The following COL6A5 variants were observed in gnomAD, a reference collection of about 807,000 sequenced individuals.
COL6A5 encodes the protein collagen type VI alpha 5 chain, also known as collagen alpha-5(VI) chain.
COL6A5 carries 48 observed loss-of-function variants against 65.6 expected under a neutral mutation model. The observed-to-expected ratio is 0.73, with a 90% CI of 0.58 to 0.93. COL6A5 has a LOEUF of 0.93. COL6A5 is among the 40% of genes least tolerant of loss of function. The probability of loss-of-function intolerance (pLI) is 0.00; values close to 1 mark genes in which losing one functional copy is unlikely to be tolerated. For missense variants in COL6A5, 914 were observed against 928.3 expected (o/e 0.98, Z 0.20); for synonymous variants, 291 against 322.8 (o/e 0.90, Z 1.05).
In COL6A5 at chr3:130,384,930, C is replaced by T. The variant is rs1027526357; in HGVS notation, c.1427C>T (p.Pro476Leu). ...GTGACAGAAATGTTTAGCATTGGCC[C>T]AGACAAAGTCCGAGTTGGAGTTGTG... The change falls in exon 5 of 42, where the codon CCA becomes CTA. Residue 476 changes from proline to leucine, a missense_variant and NMD_transcript_variant. Pro to Leu is a moderately conservative substitution (Grantham distance 98, BLOSUM62 -3). Transcript: ENST00000312481. 12 of 1,550,764 alleles carry T rather than the reference C, an allele frequency of 7.7e-6. No homozygotes were observed. The African/African-American group carries it at 1.6e-4, about 21-fold the overall frequency.
chr3:130,412,579 T>C (rs1937211922), intron 20 of COL6A5, among the ~76,000 whole-genome samples: 1 of 152,374 alleles, frequency 6.6e-6, no homozygotes, highest in Non-Finnish European at 1.5e-5. Context: ...TGTGATGTTA[T>C]AGGAACCGAG....
chr3:130,374,592 T>G (rs1205590270), intron 2 of COL6A5, among the ~76,000 whole-genome samples: 2 of 152,150 alleles, frequency 1.3e-5, no homozygotes, highest in Non-Finnish European at 2.9e-5. Flanking sequence ...TAGCTGGGAC[T>G]ACAAGTGCAT....
rs1334636152 is a variant in COL6A5 at position 130,421,309 on chromosome 3, G to A, written c.5002-16G>A. ...TGATATGTTGATGTATTTATGTTCT[G>A]TGCTGAAAATTATAGGGCCCAAGAG... On this transcript the variant is annotated splice_polypyrimidine_tract_variant and intron_variant and NMD_transcript_variant, in intron 26 of 41. Coordinates refer to the COL6A5 transcript ENST00000312481. The A allele has an allele frequency of 1.3e-6, 2 of 1,550,666 alleles. No homozygotes were observed. Among genetic ancestry groups the A allele is most frequent in the South Asian group, 1.2e-5 (1 of 84,042 alleles).
intron 1 of COL6A5, among the ~76,000 whole-genome samples, chr3:130,347,996 A>G (rs940586775): frequency 3.9e-5 from 6 of 152,150 alleles, no homozygotes; most frequent in Admixed American, 1.3e-4. Context: ...TGCCCCATCA[A>G]TCCCTGGTGC....
At chr3:130,392,012 C>T (rs1266978933) in intron 7 of COL6A5, among the ~76,000 whole-genome samples, 1 of 152,150 alleles carries the variant, frequency 6.6e-6, no homozygotes, top group Non-Finnish European at 1.5e-5. Flanking sequence ...TACTCTGTTG[C>T]CTTTTTCTGG....
chr3:130,460,379 A>G (rs1156998168), intron 5 of COL6A5, among the ~76,000 whole-genome samples: 2 of 152,098 alleles, frequency 1.3e-5, no homozygotes, highest in Admixed American at 1.3e-4. Flanking sequence ...TATTGTCATT[A>G]TAGTTTTGAT....
chr3:130,368,452 G>C (rs1324671972), intron 1 of COL6A5, among the ~76,000 whole-genome samples: 1 of 152,158 alleles, frequency 6.6e-6, no homozygotes, highest in Non-Finnish European at 1.5e-5. Context: ...AAGCAAGTGG[G>C]ACGTTCAGTG....
intron 1 of COL6A5, among the ~76,000 whole-genome samples, chr3:130,373,092 G>A (rs1163258770): frequency 6.6e-6 from 1 of 152,228 alleles, no homozygotes; most frequent in Non-Finnish European, 1.5e-5. Context: ...AGTGAAGGAA[G>A]AGACGTGTAG....
At chr3:130,426,934 T>C (rs1937617388), upstream of COL6A5, among the ~76,000 whole-genome samples, 1 of 152,132 alleles carries the variant, frequency 6.6e-6, no homozygotes. Flanking sequence ...AGCCCAGTAA[T>C]ATAATTTCTG....
intron 10 of COL6A5, among the ~76,000 whole-genome samples, chr3:130,400,732 G>C (rs1936786042): frequency 6.6e-6 from 1 of 152,248 alleles, no homozygotes; most frequent in Admixed American, 6.5e-5. Context: ...TTGGTGGTAA[G>C]ATGTGGAACA....
chr3:130,425,616 G>C (rs139056314), intron 29 of COL6A5, among the ~76,000 whole-genome samples: 10 of 152,272 alleles, frequency 6.6e-5, no homozygotes, highest in African/African-American at 2.4e-4. Flanking sequence ...ACTCACCAAA[G>C]TATTTGTTTT....
At chr3:130,351,638 A>G (rs1338272963) in intron 1 of COL6A5, among the ~76,000 whole-genome samples, 1 of 152,234 alleles carries the variant, frequency 6.6e-6, no homozygotes, top group Non-Finnish European at 1.5e-5. Context: ...AATGGTGATC[A>G]TTAAAAAGTC....
chr3:130,446,250 T>C (rs1709300845), intron 4 of COL6A5, among the ~76,000 whole-genome samples: 1 of 152,134 alleles, frequency 6.6e-6, no homozygotes, highest in Admixed American at 6.5e-5. Context: ...ATCGTTAGTG[T>C]AGATTTCTGC....
intron 4 of COL6A5, among the ~76,000 whole-genome samples, chr3:130,445,673 G>A (rs186953789): frequency 1.3e-5 from 2 of 151,818 alleles, no homozygotes; most frequent in South Asian, 2.2e-4. Context: ...GGCCTGGTGC[G>A]GGGGGGATAA....
chr3:130,472,647 T>C, intron 7 of COL6A5, among the ~76,000 whole-genome samples: 1 of 151,800 alleles, frequency 6.6e-6, no homozygotes, highest in East Asian at 1.9e-4. Context: ...CCTATAGGAA[T>C]ATACATATTA....
Position 130,459,452 on chromosome 3 carries a change from C to T in COL6A5, c.1544+3786C>T, listed in dbSNP as rs553532750. Among the ~76,000 whole-genome samples, 16 of 152,122 alleles carry T rather than the reference C, an allele frequency of 1.1e-4. No individual in the cohort carries two copies. The South Asian group carries it at 2.7e-3, about 26-fold the overall frequency. On this transcript the variant is annotated intron_variant, in intron 5 of 7. Coordinates refer to ENST00000512836, the Ensembl canonical transcript of COL6A5. Reference sequence around the variant, plus strand: ...GGGAGCAGCTCTACCCTACCCCACCCGAGGGGATATATTGCAACGTCTGGA... The same window carrying T: ...GGGAGCAGCTCTACCCTACCCCACCTGAGGGGATATATTGCAACGTCTGGA...
intron 10 of COL6A5, among the ~76,000 whole-genome samples, chr3:130,398,615 AGACTTAT>A (rs1282553894): frequency 6.6e-6 from 1 of 152,122 alleles, no homozygotes; most frequent in Admixed American, 6.5e-5. Flanking sequence ...CCAAGTGCTT[AGACTTAT>A]GACCTTCTAT....
chr3:130,459,780 C>T (rs1458432894), intron 5 of COL6A5, among the ~76,000 whole-genome samples: 1 of 151,696 alleles, frequency 6.6e-6, no homozygotes, highest in East Asian at 1.9e-4. Flanking sequence ...ATTCAAATAC[C>T]AAGTTTCAAA....
chr3:130,348,841 T>C (rs1448100594), intron 1 of COL6A5, among the ~76,000 whole-genome samples: 5 of 152,258 alleles, frequency 3.3e-5, no homozygotes, highest in Non-Finnish European at 7.3e-5. Flanking sequence ...GGTATCTCAT[T>C]GTGGTTTTGA....
Sources: gnomAD v4.1 joint callset for allele counts (sites outside exome capture counted in the v4.1 genomes callset) on GRCh38, gnomAD v4.1.1 for gene constraint, MANE v1.5 for transcripts, NCBI Gene and HGNC (gene_info 2026-07-23, HGNC 2026-07-21) for gene names.